The following RERE variants were observed in gnomAD, a reference collection of about 807,000 sequenced individuals.
The protein encoded by RERE is arginine-glutamic acid dipeptide repeats protein.
In RERE, 40 loss-of-function variants were observed where a neutral mutation model predicts 146.1. The ratio of observed to expected loss-of-function variants is 0.27; its 90% CI spans 0.21 to 0.36. The LOEUF (loss-of-function observed/expected upper bound fraction) is 0.36. RERE is among the 10% of genes least tolerant of loss of function. The probability of loss-of-function intolerance (pLI) is 1.00; values close to 1 mark genes in which losing one functional copy is unlikely to be tolerated. For missense variants in RERE, 1,933 were observed against 2,138.7 expected (o/e 0.90, Z 1.90); for synonymous variants, 1,003 against 866.0 (o/e 1.16, Z -2.78).
At chr1:8,744,786 A>C (rs959744260) in intron 1 of RERE, among the ~76,000 whole-genome samples, 2 of 152,248 alleles carry the variant, frequency 1.3e-5, no homozygotes, top group African/African-American at 2.4e-5. Flanking sequence ...TCCCCATACA[A>C]AAAGACTTCT....
rs1277128823 is a variant in RERE at position 8,423,442 on chromosome 1, C to G, written c.1204-635G>C. ...CCCTCCCGACGCCACTCGCCGCCCC[C>G]ATCCATTTTCGCAGCAGACTCGTCC... On this transcript the variant is annotated intron_variant, in intron 11 of 22. Transcript: ENST00000400908. The surrounding 1 kb of genome is among the most constrained non-coding windows in gnomAD (Gnocchi z 5.4). 2 of 682,402 alleles carry G rather than the reference C, an allele frequency of 2.9e-6. No individual in the cohort carries two copies. Among genetic ancestry groups the G allele is most frequent in the Non-Finnish European group, 3.6e-6 (2 of 552,946 alleles). 42.3% of individuals were successfully genotyped at this position (682,402 alleles called of 1,614,324 possible).
chr1:8,674,299 T>A (rs772640915), intron 1 of RERE, among the ~76,000 whole-genome samples: 16 of 152,184 alleles, frequency 1.1e-4, no homozygotes, highest in Non-Finnish European at 1.8e-4. Context: ...CTTTGATTTA[T>A]GGACCTGGAC....
intron 2 of RERE, among the ~76,000 whole-genome samples, chr1:8,633,041 A>G (rs984594823): frequency 6.6e-6 from 1 of 152,212 alleles, no homozygotes; most frequent in South Asian, 2.1e-4. Context: ...TAAATATCCT[A>G]TATGGATTTA....
intron 1 of RERE, among the ~76,000 whole-genome samples, chr1:8,704,201 A>T (rs1459744273): frequency 6.6e-6 from 1 of 152,218 alleles, no homozygotes; most frequent in African/African-American, 2.4e-5. Flanking sequence ...TAATTCTGGT[A>T]AAAAATATAT....
At chr1:8,555,128 G>C (rs1180134378) in intron 6 of RERE, among the ~76,000 whole-genome samples, 3 of 152,188 alleles carry the variant, frequency 2.0e-5, no homozygotes, top group African/African-American at 7.2e-5. Flanking sequence ...CAGCAGAGTT[G>C]GCAAACTATG....
chr1:8,686,158 T>C (rs1445796697), intron 1 of RERE, among the ~76,000 whole-genome samples: 4 of 152,010 alleles, frequency 2.6e-5, no homozygotes, highest in Admixed American at 2.6e-4. Context: ...ATTTATTGTA[T>C]TTTTAGTAGA....
chr1:8,670,427 C>G (rs149902638), intron 1 of RERE, among the ~76,000 whole-genome samples: 1 of 152,278 alleles, frequency 6.6e-6, no homozygotes, highest in East Asian at 1.9e-4. Context: ...CACACAATCT[C>G]TAACCTCAGA....
intron 1 of RERE, among the ~76,000 whole-genome samples, chr1:8,712,944 A>G (rs2124460942): frequency 6.6e-6 from 1 of 152,336 alleles, no homozygotes; most frequent in East Asian, 1.9e-4. Flanking sequence ...TGCAGTTTGC[A>G]GTCAGCTGCT....
At chr1:8,376,083 C>T (rs888342442) in intron 12 of RERE, among the ~76,000 whole-genome samples, 13 of 152,276 alleles carry the variant, frequency 8.5e-5, no homozygotes, top group South Asian at 2.1e-4. Context: ...AAGTCTAACG[C>T]CCTTAACCTT....
intron 1 of RERE, among the ~76,000 whole-genome samples, chr1:8,748,542 T>C (rs1640469529): frequency 6.6e-6 from 1 of 152,220 alleles, no homozygotes; most frequent in African/African-American, 2.4e-5. Context: ...AACGCAAGTA[T>C]ATGGTTAGGA....
At chr1:8,384,694 C>G (rs1442473541) in intron 12 of RERE, among the ~76,000 whole-genome samples, 2 of 152,212 alleles carry the variant, frequency 1.3e-5, no homozygotes, top group African/African-American at 4.8e-5. Flanking sequence ...TCTCTGCTCC[C>G]TCTAGTTACA....
chr1:8,646,555 AC>A (rs1354687943), intron 2 of RERE, among the ~76,000 whole-genome samples: 2 of 150,962 alleles, frequency 1.3e-5, no homozygotes, highest in African/African-American at 2.5e-5. Context: ...AAACAAACAA[AC>A]AAAAAAAAAA....
chr1:8,744,392 G>C (rs887219277), intron 1 of RERE, among the ~76,000 whole-genome samples: 1 of 152,214 alleles, frequency 6.6e-6, no homozygotes, highest in African/African-American at 2.4e-5. Flanking sequence ...TAACCACAGG[G>C]AGAATTCCGT....
chr1:8,742,474 C>T (rs1472524428), intron 1 of RERE, among the ~76,000 whole-genome samples: 1 of 152,052 alleles, frequency 6.6e-6, no homozygotes, highest in East Asian at 1.9e-4. Flanking sequence ...ACTCAATGGC[C>T]AAGGGAAATA....
At position 8,388,611 on chromosome 1, in the gene RERE, G is replaced by A. The variant is rs553093104; in HGVS notation, c.1285-22637C>T. On this transcript the variant is annotated intron_variant, in intron 12 of 22. Transcript: ENST00000400908. ...TGGGATTACAGGCGTGAGCCACCGC[G>A]CCCGGCCCAGTCTGTGCAATCTTAA... Among the ~76,000 whole-genome samples the A allele has an allele frequency of 3.3e-5, 5 of 152,244 alleles. No individual in the cohort carries two copies. The South Asian group carries it at 8.3e-4, about 25-fold the overall frequency.
intron 4 of RERE, among the ~76,000 whole-genome samples, chr1:8,576,887 G>C (rs1402731447): frequency 6.6e-6 from 1 of 152,156 alleles, no homozygotes; most frequent in African/African-American, 2.4e-5. Context: ...AGATACATTT[G>C]TGCTGGGCAC....
intron 1 of RERE, among the ~76,000 whole-genome samples, chr1:8,687,578 T>A (rs1014775756): frequency 1.3e-5 from 2 of 152,208 alleles, no homozygotes; most frequent in African/African-American, 4.8e-5. Flanking sequence ...AAAAATTCTC[T>A]AACAAACTGC....
rs34859762 is a variant in RERE, at chr1:8,774,347, A to ATTTT, written c.-145+42809_-145+42812dup. 6.8e-3 allele frequency among the ~76,000 whole-genome samples: 637 copies of ATTTT among 93,126 alleles called. 31 individuals carry two copies. Among genetic ancestry groups the ATTTT allele is most frequent in the South Asian group, 0.021 (57 of 2,722 alleles). The allele number at this position is 93,126 out of a possible 152,430, so 61.1% of individuals were successfully genotyped here. ...ATTATCTCCTTCATTTTGGCAAACTATTTTTTTTTTTTTTTTTTTTTTTGC... is the reference window on the plus strand; with the variant it reads ...ATTATCTCCTTCATTTTGGCAAACTATTTTTTTTTTTTTTTTTTTTTTTTTTTGC... On this transcript the variant is annotated intron_variant, in intron 1 of 22. Transcript: ENST00000400908.
At chr1:8,666,697 A>T (rs1638583275) in intron 1 of RERE, among the ~76,000 whole-genome samples, 1 of 152,250 alleles carries the variant, frequency 6.6e-6, no homozygotes, top group Admixed American at 6.5e-5. Flanking sequence ...AGAATTGCAG[A>T]TGAAGCTGCA....
Sources: gnomAD v4.1 joint callset for allele counts (sites outside exome capture counted in the v4.1 genomes callset) on GRCh38, gnomAD v4.1.1 for gene constraint, Gnocchi (gnomAD v3.1) non-coding constraint, MANE v1.5 for transcripts, NCBI Gene and HGNC (gene_info 2026-07-23, HGNC 2026-07-21) for gene names.